Variants in KDM4A observed in about 807,000 individuals in gnomAD.
KDM4A encodes the protein lysine-specific demethylase 4A.
KDM4A carries 23 observed loss-of-function variants against 127.1 expected under a neutral mutation model. That is an observed-to-expected ratio of 0.18 (90% CI 0.13 to 0.26). KDM4A has a LOEUF of 0.26. Among genes scored for constraint, KDM4A ranks in the 10% least tolerant of loss-of-function variants. KDM4A has a pLI of 1.00. For missense variants in KDM4A, 890 were observed against 1,329.1 expected (o/e 0.67, Z 5.14); for synonymous variants, 443 against 466.5 (o/e 0.95, Z 0.65).
At chr1:43,670,035 G>C (rs919500839) in intron 10 of KDM4A, among the ~76,000 whole-genome samples, 4 of 152,226 alleles carry the variant, frequency 2.6e-5, no homozygotes, top group African/African-American at 7.2e-5. Flanking sequence ...TAGGGTGGAA[G>C]GCAGCTGTGT....
chr1:43,678,842 C>T (rs555913326), intron 11 of KDM4A, among the ~76,000 whole-genome samples: 27 of 152,266 alleles, frequency 1.8e-4, no homozygotes, highest in African/African-American at 6.5e-4. Context: ...CTGTCTTGGC[C>T]TCCCAAAGTG....
chr1:43,685,413 G>A (rs1027823868), intron 12 of KDM4A, among the ~76,000 whole-genome samples: 2 of 151,670 alleles, frequency 1.3e-5, no homozygotes, highest in Non-Finnish European at 2.9e-5. Context: ...GTCCTACCTG[G>A]TCCTCTCCTT....
chr1:43,661,627 A>AG lies in KDM4A; in HGVS notation c.429+1215_429+1216insG, dbSNP rs1553230774. On this transcript the variant is annotated intron_variant, in intron 4 of 21. Coordinates refer to ENST00000372396, the MANE Select transcript of KDM4A (RefSeq NM_014663.3). ...CTGTCTCAAAAAAAAAAAAAAAAAA[A>AG]AAAAAAAAAAAAAGAATTCCAGTTT... 2.7e-5 allele frequency among the ~76,000 whole-genome samples: 4 copies of AG among 148,604 alleles called. No individual in the cohort carries two copies. In the East Asian group the frequency reaches 6.0e-4, roughly 22 times the overall value.
intron 18 of KDM4A, among the ~76,000 whole-genome samples, chr1:43,695,876 G>A (rs1286681602): frequency 6.6e-6 from 1 of 152,118 alleles, no homozygotes; most frequent in African/African-American, 2.4e-5. Context: ...GAATATTGAA[G>A]ATGACTCAGG....
At chr1:43,665,230 G>A (rs1660473695) in intron 5 of KDM4A, among the ~76,000 whole-genome samples, 1 of 152,072 alleles carries the variant, frequency 6.6e-6, no homozygotes, top group Non-Finnish European at 1.5e-5. Flanking sequence ...AGCAGATACG[G>A]GGCTAGGTCT....
chr1:43,662,939 TTGG>T lies in KDM4A; in HGVS notation c.479_481del (p.Val160del). 1.2e-6 allele frequency: 2 copies of T among 1,614,050 alleles called. No individual in the cohort carries two copies. The highest frequency in any genetic ancestry group is 1.7e-6 in the Non-Finnish European group (2 of 1,179,970). On this transcript the variant is annotated inframe_deletion, in exon 5 of 22. Coordinates refer to ENST00000372396, the MANE Select transcript of KDM4A (RefSeq NM_014663.3). ...TGGCCGGCTGAGAACAATCCTGGAC[TTGG>T]TGGAAAAGGAGAGTGGGATCACCAT...
At chr1:43,699,352 C>A (rs1157263656) in intron 19 of KDM4A, among the ~76,000 whole-genome samples, 1 of 152,142 alleles carries the variant, frequency 6.6e-6, no homozygotes, top group East Asian at 1.9e-4. Context: ...ACATCTTGGG[C>A]CCCCAAACCA....
intron 3 of KDM4A, among the ~76,000 whole-genome samples, chr1:43,660,007 C>G (rs912718696): frequency 6.6e-6 from 1 of 152,152 alleles, no homozygotes; most frequent in Non-Finnish European, 1.5e-5. Flanking sequence ...CTGAATCTAG[C>G]AAGGTGTAGT....
intron 11 of KDM4A, 126 bp from the exon 12 acceptor site, chr1:43,683,558 G>C: frequency 1.8e-6 from 2 of 1,111,650 alleles, no homozygotes; most frequent in South Asian, 3.2e-5. Flanking sequence ...GGTATTTTCT[G>C]TTTGGTATTA....
At chr1:43,652,044 A>G (rs1392005853) in intron 1 of KDM4A, among the ~76,000 whole-genome samples, 1 of 152,250 alleles carries the variant, frequency 6.6e-6, no homozygotes, top group Non-Finnish European at 1.5e-5. Flanking sequence ...TGTTACTAAT[A>G]TCAAAGTACT....
At position 43,691,303 on chromosome 1, in the gene KDM4A, TAC is replaced by T. The variant is rs541416466; in HGVS notation, c.2243-191_2243-190del. ...TACTAGGTGTTTGTACCAGTGAATC[TAC>T]AGTTTTTGACTTTTTGAGACTTTGA... On this transcript the variant is annotated intron_variant, in intron 14 of 21. Coordinates refer to ENST00000372396, the MANE Select transcript of KDM4A (RefSeq NM_014663.3). Among the ~76,000 whole-genome samples the T allele has an allele frequency of 2.8e-3, 428 of 152,344 alleles. 2 individuals are homozygous for T. The highest frequency in any genetic ancestry group is 0.01 in the African/African-American group (417 of 41,574).
At chr1:43,676,436 T>C (rs375742888) in intron 11 of KDM4A, among the ~76,000 whole-genome samples, 20 of 152,294 alleles carry the variant, frequency 1.3e-4, no homozygotes, top group African/African-American at 4.8e-4. Flanking sequence ...ATTCTTTGCC[T>C]CAGCCTCCTG....
In KDM4A at chr1:43,692,768, C is replaced by T. The variant is rs143048550; in HGVS notation, c.2375+457C>T. Among the ~76,000 whole-genome samples the T allele has an allele frequency of 3.8e-3, 580 of 152,274 alleles. 2 individuals are homozygous for T. The highest frequency in any genetic ancestry group is 6.6e-3 in the South Asian group (32 of 4,824). ...TGCTCAAGGAGGACACTGAGGAGAGCTCAGACAGGCCCACCCACTATGGAA... is the reference window on the plus strand; with the variant it reads ...TGCTCAAGGAGGACACTGAGGAGAGTTCAGACAGGCCCACCCACTATGGAA... On this transcript the variant is annotated intron_variant, in intron 16 of 21. Coordinates refer to ENST00000372396, the MANE Select transcript of KDM4A (RefSeq NM_014663.3).
At chr1:43,653,434 A>G (rs1361724388) in intron 2 of KDM4A, 121 bp downstream of exon 2, 1 of 901,324 alleles carries the variant, frequency 1.1e-6, no homozygotes, top group East Asian at 2.7e-5. Context: ...GACTTTAGTG[A>G]ATGCGGTTCT....
intron 10 of KDM4A, among the ~76,000 whole-genome samples, chr1:43,669,779 G>C (rs1219722122): frequency 6.6e-6 from 1 of 151,832 alleles, no homozygotes; most frequent in Non-Finnish European, 1.5e-5. Flanking sequence ...CTTCCAACTA[G>C]CTAGGACTAC....
At chr1:43,675,849 G>T (rs1221144807) in intron 11 of KDM4A, among the ~76,000 whole-genome samples, 1 of 151,604 alleles carries the variant, frequency 6.6e-6, no homozygotes, top group Non-Finnish European at 1.5e-5. Context: ...GAGGCGGGTG[G>T]ATCACCTGAG....
chr1:43,665,296 C>G (rs973583751), intron 5 of KDM4A, among the ~76,000 whole-genome samples: 3 of 152,078 alleles, frequency 2.0e-5, no homozygotes, highest in Admixed American at 2.0e-4. Context: ...TGCCTGCCCC[C>G]AGTTAGGCCT....
At chr1:43,703,975 A>G (rs1661477024) in intron 20 of KDM4A, 45 bp from the exon 21 acceptor site, 1 of 1,538,496 alleles carries the variant, frequency 6.5e-7, no homozygotes, top group South Asian at 1.1e-5. Context: ...GACCAGGGAA[A>G]GAGTCAGGGA....
chr1:43,663,070 T>C lies in KDM4A; in HGVS notation c.606T>C (p.Phe202=), dbSNP rs752886841. 21 of 1,613,482 alleles carry C rather than the reference T, an allele frequency of 1.3e-5. No individual in the cohort carries two copies. In the African/African-American group the frequency reaches 1.6e-4, roughly 12 times the overall value. ...MDLYSINYLH[F]GEPKSWYSVP... ...TCTACAGCATCAACTACCTGCACTTTGGAGAACCAAAGTCCTGGTACAGTC... is the reference window on the plus strand; with the variant it reads ...TCTACAGCATCAACTACCTGCACTTCGGAGAACCAAAGTCCTGGTACAGTC... Residue 202 remains phenylalanine (F), a synonymous_variant, in exon 5 of 22, where the codon TTT becomes TTC. Coordinates refer to ENST00000372396, the MANE Select transcript of KDM4A (RefSeq NM_014663.3).
Sources: gnomAD v4.1 joint callset for allele counts (sites outside exome capture counted in the v4.1 genomes callset) on GRCh38, gnomAD v4.1.1 for gene constraint, MANE v1.5 for transcripts, NCBI Gene and HGNC (gene_info 2026-07-23, HGNC 2026-07-21) for gene names.